Variants in MALRD1 observed in about 807,000 individuals in gnomAD.
The protein encoded by MALRD1 is MAM and LDL-receptor class A domain-containing protein 1.
In MALRD1, 247 loss-of-function variants were observed where a neutral mutation model predicts 242.1. That is an observed-to-expected ratio of 1.02 (90% CI 0.92 to 1.13). The LOEUF is 1.13. Ranked by LOEUF, MALRD1 falls within the 50% of genes most tolerant of loss-of-function variation. The pLI, the probability that MALRD1 is intolerant of heterozygous loss-of-function variation, is 0.00. For synonymous variants in MALRD1, 995 were observed against 866.6 expected, an observed-to-expected ratio of 1.15 and a Z score of -2.60; for missense variants, 2,989 against 2,533.1, an observed-to-expected ratio of 1.18 and a Z score of -3.86.
intron 18 of MALRD1, among the ~76,000 whole-genome samples, chr10:19,248,481 A>G (rs540093327): frequency 2.0e-5 from 3 of 152,074 alleles, no homozygotes; most frequent in African/African-American, 7.2e-5. Flanking sequence ...ATTTTATAGT[A>G]AGAATTAATA....
intron 28 of MALRD1, among the ~76,000 whole-genome samples, chr10:19,401,550 C>T (rs1488660742): frequency 6.6e-6 from 1 of 151,980 alleles, no homozygotes; most frequent in African/African-American, 2.4e-5. Context: ...TTAATTTTTT[C>T]TTGATATGAG....
At chr10:19,388,588 T>A (rs548580342) in intron 27 of MALRD1, among the ~76,000 whole-genome samples, 17 of 152,192 alleles carry the variant, frequency 1.1e-4, no homozygotes, top group African/African-American at 3.6e-4. Context: ...GGAGATGATG[T>A]ATATGAAGAG....
At chr10:19,565,737 G>A (rs754216701) in intron 32 of MALRD1, among the ~76,000 whole-genome samples, 9 of 152,124 alleles carry the variant, frequency 5.9e-5, no homozygotes, top group Non-Finnish European at 1.3e-4. Flanking sequence ...CCTTCTGATT[G>A]AATCTTAGCT....
chr10:19,486,208 T>C (rs182554983), intron 29 of MALRD1, among the ~76,000 whole-genome samples: 2 of 152,202 alleles, frequency 1.3e-5, no homozygotes, highest in African/African-American at 4.8e-5. Flanking sequence ...CAAATGTCAA[T>C]CTGCATTTTC....
chr10:19,415,572 T>A (rs555048928), intron 28 of MALRD1, among the ~76,000 whole-genome samples: 11 of 152,252 alleles, frequency 7.2e-5, no homozygotes, highest in African/African-American at 2.6e-4. Context: ...AAGCAAGACT[T>A]AAAAAAATAA....
chr10:19,247,321 A>G (rs183468785), intron 18 of MALRD1, among the ~76,000 whole-genome samples: 2 of 152,244 alleles, frequency 1.3e-5, no homozygotes, highest in East Asian at 1.9e-4. Context: ...TATTCTCAAC[A>G]TTCATCACAT....
intron 36 of MALRD1, among the ~76,000 whole-genome samples, chr10:19,648,121 G>A (rs7083952): frequency 0.021 from 3,134 of 152,274 alleles, 126 homozygotes; most frequent in African/African-American, 0.072. Context: ...CATGCACAGT[G>A]CAAAACTCCT....
intron 21 of MALRD1, among the ~76,000 whole-genome samples, chr10:19,307,788 G>A (rs1228050287): frequency 4.6e-5 from 7 of 151,492 alleles, no homozygotes; most frequent in Non-Finnish European, 8.9e-5. Context: ...CTGACCTTAC[G>A]CTAAAGTTGT....
In MALRD1 at chr10:19,048,942, C is replaced by A. The variant is rs1447466593; in HGVS notation, c.4C>A (p.Leu2Ile). The change falls in exon 1 of 40, where the codon CTC becomes ATC. Residue 2 changes from leucine (L) to isoleucine (I), a missense_variant. Transcript: ENST00000454679. ...CTCTAATAGACAATACCAAGTAATG[C>A]TCTTCTTCCTGGACAGAATGTTGGC... is the stretch of plus-strand genomic sequence containing the variant. M[L>I]FFLDRMLAFP... The A allele has an allele frequency of 2.4e-6, 3 of 1,233,826 alleles. No homozygotes were observed. In the East Asian group the frequency reaches 9.5e-5, roughly 39 times the overall value. 76.4% of individuals were successfully genotyped at this position (1,233,826 alleles called of 1,614,324 possible). A position where few individuals can be genotyped will look rare whatever the true frequency, so the allele number is the denominator to read the frequency against.
At chr10:19,562,620 G>T (rs1836032851) in intron 32 of MALRD1, among the ~76,000 whole-genome samples, 1 of 152,080 alleles carries the variant, frequency 6.6e-6, no homozygotes, top group Non-Finnish European at 1.5e-5. Flanking sequence ...AGTTTTAGAG[G>T]CAGCAGTTTG....
rs771486264 is a variant in MALRD1 at position 19,280,082 on chromosome 10, AC to A, written c.3116del (p.Thr1039SerfsTer5). On this transcript the variant is annotated frameshift_variant, in exon 20 of 40. Transcript: ENST00000454679. LOFTEE classifies it high-confidence loss of function. ...LPADLPTPPE[T>X]SVPVTLPPHN... is the part of the protein sequence containing the mutation. ...AGCAGACCTCCCAACTCCACCAGAA[AC>A]GTCAGTTCCTGTAACATTACCTCCA... 2.0e-6 allele frequency: 3 copies of A among 1,524,068 alleles called. No homozygotes were observed. Among genetic ancestry groups the A allele is most frequent in the Non-Finnish European group, 2.6e-6 (3 of 1,137,456 alleles). 94.4% of individuals were successfully genotyped at this position (1,524,068 alleles called of 1,614,324 possible). A position where few individuals can be genotyped will look rare whatever the true frequency, so the allele number is the denominator to read the frequency against.
chr10:19,180,190 C>T (rs184810712), intron 14 of MALRD1, among the ~76,000 whole-genome samples: 5 of 152,146 alleles, frequency 3.3e-5, no homozygotes, highest in South Asian at 2.1e-4. Context: ...AGTGTGGTGG[C>T]GCAAAGAGTT....
intron 38 of MALRD1, chr10:19,724,817 A>T (rs533963505): frequency 1.8e-4 from 28 of 152,352 alleles, no homozygotes; most frequent in African/African-American, 5.5e-4. Flanking sequence ...GATACTATAT[A>T]TAAGCAATCT....
chr10:19,077,297 C>A (rs1037410339), intron 2 of MALRD1, among the ~76,000 whole-genome samples: 1 of 151,842 alleles, frequency 6.6e-6, no homozygotes, highest in African/African-American at 2.4e-5. Flanking sequence ...GCTTAGGAAA[C>A]CCTGCTAAAC....
intron 24 of MALRD1, among the ~76,000 whole-genome samples, chr10:19,336,784 G>C (rs1843633127): frequency 6.6e-6 from 1 of 151,976 alleles, no homozygotes; most frequent in South Asian, 2.1e-4. Flanking sequence ...AACCAATTAG[G>C]TAATAGCACA....
intron 28 of MALRD1, among the ~76,000 whole-genome samples, chr10:19,408,050 T>C (rs148644433): frequency 6.7e-4 from 102 of 152,230 alleles, no homozygotes; most frequent in African/African-American, 2.2e-3. Context: ...TATTATATTA[T>C]GGGTAACATC....
At chr10:19,634,295 T>C (rs1002122615) in intron 36 of MALRD1, among the ~76,000 whole-genome samples, 13 of 152,212 alleles carry the variant, frequency 8.5e-5, no homozygotes, top group African/African-American at 3.1e-4. Context: ...AGAACGAAAA[T>C]GTCAGCTCAC....
At chr10:19,057,349 C>T (rs543194471) in intron 1 of MALRD1, among the ~76,000 whole-genome samples, 13 of 152,050 alleles carry the variant, frequency 8.5e-5, no homozygotes, top group Non-Finnish European at 1.0e-4. Context: ...GGTCTGCAGA[C>T]GGCTGCCTTC....
chr10:19,327,456 T>C, intron 22 of MALRD1, 107 bp from the exon 23 acceptor site: 1 of 745,930 alleles, frequency 1.3e-6, no homozygotes, highest in Non-Finnish European at 2.2e-6. Flanking sequence ...CAGGACTTCA[T>C]GTTGATATTG....
Sources: allele counts gnomAD v4.1 joint callset (sites outside exome capture counted in the v4.1 genomes callset), GRCh38; gene constraint gnomAD v4.1.1; transcripts MANE v1.5; gene names NCBI Gene and HGNC (gene_info 2026-07-23, HGNC 2026-07-21).